The following LRP1B variants were observed in gnomAD, a reference collection of about 807,000 sequenced individuals.
LRP1B encodes the protein LDL receptor related protein 1B, also known as low-density lipoprotein receptor-related protein 1B.
Under a neutral mutation model 556.6 loss-of-function variants are expected in LRP1B, and 217 were observed. That is an observed-to-expected ratio of 0.39 (90% CI 0.35 to 0.44). LRP1B has a LOEUF of 0.44. Among genes scored for constraint, LRP1B ranks in the 20% least tolerant of loss-of-function variants. The pLI is 1.00. For synonymous variants in LRP1B, 2,047 were observed against 1,865.8 expected (o/e 1.10, Z -2.50); for missense variants, 5,053 against 5,620.8 (o/e 0.90, Z 3.23).
chr2:141,684,033 A>G (rs2105434468), intron 2 of LRP1B, among the ~76,000 whole-genome samples: 1 of 152,216 alleles, frequency 6.6e-6, no homozygotes, highest in South Asian at 2.1e-4. Flanking sequence ...CTGATTGTGG[A>G]AGACAGTGTG....
chr2:140,534,022 T>C lies in LRP1B; in HGVS notation c.7761A>G (p.Lys2587=), dbSNP rs766353564. ...CGDNSDELDC[K]VSTCATVEFR... Reference sequence around the variant, plus strand: ...GAGATTGATGGAACAAGTATTTACCTTTACAATCTAATTCATCAGAGTTGT... The same window carrying C: ...GAGATTGATGGAACAAGTATTTACCCTTACAATCTAATTCATCAGAGTTGT... Residue 2587 remains lysine, a splice_region_variant and synonymous_variant, in exon 47 of 91, where the codon AAA becomes AAG. Coordinates refer to ENST00000389484, the MANE Select transcript of LRP1B (RefSeq NM_018557.3). 2.3e-5 allele frequency: 37 copies of C among 1,613,274 alleles called. 1 individual carries two copies. Among genetic ancestry groups the C allele is most frequent in the Non-Finnish European group, 2.6e-5 (31 of 1,179,586 alleles).
At chr2:140,512,056 A>G (rs902892520) in intron 51 of LRP1B, among the ~76,000 whole-genome samples, 9 of 152,200 alleles carry the variant, frequency 5.9e-5, no homozygotes, top group Non-Finnish European at 1.2e-4. Flanking sequence ...TAAATGTAAA[A>G]TTTCTTGTCT....
intron 3 of LRP1B, among the ~76,000 whole-genome samples, chr2:141,320,254 T>C (rs556055580): frequency 1.1e-4 from 17 of 152,236 alleles, no homozygotes; most frequent in Middle Eastern, 3.4e-3. Context: ...TATGCAAACC[T>C]TTCTTACTTC....
At chr2:140,391,840 G>A (rs552468003) in intron 66 of LRP1B, among the ~76,000 whole-genome samples, 1 of 151,980 alleles carries the variant, frequency 6.6e-6, no homozygotes, top group Non-Finnish European at 1.5e-5. Flanking sequence ...TTTTTATTCT[G>A]TTTCATAATT....
chr2:141,143,493 T>C (rs1325276543), intron 7 of LRP1B, among the ~76,000 whole-genome samples: 4 of 152,184 alleles, frequency 2.6e-5, no homozygotes, highest in Non-Finnish European at 5.9e-5. Flanking sequence ...TAATACCCCA[T>C]GAAGACAGAG....
chr2:141,452,695 T>C (rs944220699), intron 3 of LRP1B, among the ~76,000 whole-genome samples: 3 of 152,212 alleles, frequency 2.0e-5, no homozygotes, highest in African/African-American at 7.2e-5. Flanking sequence ...TACTCTAGAA[T>C]CAACTAGTTT....
At position 141,492,079 on chromosome 2, in the gene LRP1B, G is replaced by GAAAAAAAAAAA. The variant is rs1553521014; in HGVS notation, c.206-11557_206-11547dup. Among the ~76,000 whole-genome samples the GAAAAAAAAAAA allele has an allele frequency of 1.0e-2, 80 of 8,022 alleles. 2 individuals carry two copies. Among genetic ancestry groups the GAAAAAAAAAAA allele is most frequent in the Middle Eastern group, 0.17 (1 of 6 alleles). 5.3% of individuals were successfully genotyped at this position (8,022 alleles called of 152,430 possible). ...CTTGAAAGTCACTATTTAGCTTTCT[G>GAAAAAAAAAAA]AAAAAAAAAAAACACTAAGAAAACC... On this transcript the variant is annotated intron_variant, in intron 2 of 90. Transcript: ENST00000389484.
intron 1 of LRP1B, among the ~76,000 whole-genome samples, chr2:142,117,586 A>C (rs994878676): frequency 6.6e-6 from 1 of 151,986 alleles, no homozygotes; most frequent in African/African-American, 2.4e-5. Context: ...TGGTTCCCAC[A>C]ATGGATTTTT....
At chr2:140,431,066 G>T (rs1051527353) in intron 66 of LRP1B, among the ~76,000 whole-genome samples, 7 of 152,112 alleles carry the variant, frequency 4.6e-5, no homozygotes, top group African/African-American at 1.7e-4. Context: ...TAATTCCTCG[G>T]TTTAGCCTTC....
At chr2:141,007,770 C>A (rs900293014) in intron 14 of LRP1B, among the ~76,000 whole-genome samples, 14 of 151,586 alleles carry the variant, frequency 9.2e-5, no homozygotes, top group African/African-American at 3.4e-4. Context: ...AAATTATATG[C>A]TAAATATCAT....
At chr2:141,416,778 G>A (rs1477101506) in intron 3 of LRP1B, among the ~76,000 whole-genome samples, 1 of 152,082 alleles carries the variant, frequency 6.6e-6, no homozygotes, top group Non-Finnish European at 1.5e-5. Context: ...TTCTTAAACA[G>A]TGCTCTGTGG....
intron 3 of LRP1B, among the ~76,000 whole-genome samples, chr2:141,297,234 C>T (rs1365059818): frequency 6.6e-6 from 1 of 151,978 alleles, no homozygotes; most frequent in Non-Finnish European, 1.5e-5. Context: ...TAAGGGGATG[C>T]TGGGTTGAAT....
chr2:142,096,821 C>A (rs1206149370), intron 1 of LRP1B, among the ~76,000 whole-genome samples: 11 of 151,642 alleles, frequency 7.3e-5, no homozygotes, highest in South Asian at 6.2e-4. Flanking sequence ...ATGACCCCAT[C>A]ACCCAGGTAC....
Position 140,730,859 on chromosome 2 carries a change from G to C in LRP1B, c.5759-14043C>G, listed in dbSNP as rs567362509. On this transcript the variant is annotated intron_variant, in intron 35 of 90. Coordinates refer to ENST00000389484, the MANE Select transcript of LRP1B (RefSeq NM_018557.3). ...AGCGTGAGCCGCCACGCCCAGCCTC[G>C]ATTATGTTATTCAGTTCCCAGAGTG... Among the ~76,000 whole-genome samples, 15 of 152,082 alleles carry C rather than the reference G, an allele frequency of 9.9e-5. No individual in the cohort carries two copies. In the East Asian group the frequency reaches 2.3e-3, roughly 24 times the overall value.
intron 1 of LRP1B, among the ~76,000 whole-genome samples, chr2:141,906,382 T>C (rs1440699651): frequency 6.6e-6 from 1 of 151,998 alleles, no homozygotes; most frequent in African/African-American, 2.4e-5. Context: ...GGATTATGTA[T>C]AAAACAAAGC....
chr2:141,839,697 C>T (rs1207422959), intron 1 of LRP1B, among the ~76,000 whole-genome samples: 1 of 152,124 alleles, frequency 6.6e-6, no homozygotes. Flanking sequence ...GAAAATCTAT[C>T]TGATACTGCT....
At position 140,662,735 on chromosome 2, in the gene LRP1B, CTG is replaced by C. The variant is rs1490832517; in HGVS notation, c.6799+37513_6799+37514del. 5.9e-5 allele frequency among the ~76,000 whole-genome samples: 9 copies of C among 152,104 alleles called. No individual in the cohort carries two copies. The East Asian group carries it at 1.7e-3, about 29-fold the overall frequency. On this transcript the variant is annotated intron_variant, in intron 41 of 90. Coordinates refer to ENST00000389484, the MANE Select transcript of LRP1B (RefSeq NM_018557.3). ...CCATTTTTATCTTGGCAGTGAGTAT[CTG>C]TTTTCAAGTAAAATTCATGAAACAT...
At chr2:140,464,050 G>A (rs1687435636) in intron 60 of LRP1B, among the ~76,000 whole-genome samples, 1 of 151,946 alleles carries the variant, frequency 6.6e-6, no homozygotes, top group Admixed American at 6.6e-5. Flanking sequence ...ACAAAAATTA[G>A]CCAGGCGTGG....
At chr2:141,329,500 C>T (rs1375066359) in intron 3 of LRP1B, among the ~76,000 whole-genome samples, 1 of 151,552 alleles carries the variant, frequency 6.6e-6, no homozygotes, top group Non-Finnish European at 1.5e-5. Context: ...AAAAATTAGC[C>T]GGGTGTGGTG....
Sources: gnomAD v4.1 joint callset for allele counts (sites outside exome capture counted in the v4.1 genomes callset) on GRCh38, gnomAD v4.1.1 for gene constraint, MANE v1.5 for transcripts, NCBI Gene and HGNC (gene_info 2026-07-23, HGNC 2026-07-21) for gene names.